Variants in AHCTF1 observed in about 807,000 individuals in gnomAD.
The protein encoded by AHCTF1 is AT-hook containing transcription factor 1, also known as protein ELYS.
Under a neutral mutation model 248.4 loss-of-function variants are expected in AHCTF1, and 24 were observed. That is an observed-to-expected ratio of 0.10 (90% CI 0.07 to 0.14). The LOEUF (loss-of-function observed/expected upper bound fraction) is 0.14. AHCTF1 is among the 10% of genes least tolerant of loss of function. The pLI, the probability that AHCTF1 is intolerant of heterozygous loss-of-function variation, is 1.00. For missense variants in AHCTF1, 2,206 were observed against 2,636.2 expected (o/e 0.84, Z 3.57); for synonymous variants, 786 against 929.8 (o/e 0.85, Z 2.81).
In AHCTF1 at chr1:246,902,547, G is replaced by A. The variant is rs758940402; in HGVS notation, c.1095C>T (p.Asp365=). ...AACCTTCATTCACGCCTTCCTCCCT[G>A]TCACCATGAGATCGAAATTTCTCTA... ...QSIEKFRSHG[D]REEGVNEALS... is the part of the protein sequence containing the mutation. Residue 365 remains aspartate (D), a synonymous_variant, in exon 8 of 36, where the codon GAC becomes GAT. Coordinates refer to ENST00000648844, the MANE Select transcript of AHCTF1 (RefSeq NM_001323342.2). 6.2e-7 allele frequency: 1 copy of A among 1,610,734 alleles called. No homozygotes were observed.
rs989072719 is a variant in AHCTF1, at chr1:246,849,716, C to T, written c.6290G>A (p.Ser2097Asn). Residue 2097 changes from serine to asparagine, a missense_variant, in exon 33 of 36, where the codon AGC (serine) becomes AAC (asparagine). Coordinates refer to ENST00000648844, the MANE Select transcript of AHCTF1 (RefSeq NM_001323342.2). ...TASFTKSSRS[S>N]RTRSSKAILL... ...GATGGCCTTGCTAGACCGAGTCCTG[C>T]TGCTGCGGGATGATTTAGTGAAGGA... 1 of 1,613,852 alleles carries T rather than the reference C, an allele frequency of 6.2e-7. No homozygotes were observed. Among genetic ancestry groups the T allele is most frequent in the Non-Finnish European group, 8.5e-7 (1 of 1,179,878 alleles).
Position 246,904,773 on chromosome 1 carries a change from T to C in AHCTF1, c.882-740A>G, listed in dbSNP as rs148290282. ...ATCTGAATCTGAATTTTACTACTAG[T>C]TGATCCCTTTTAATAATTCCTATTA... On this transcript the variant is annotated intron_variant, in intron 6 of 35. Transcript: ENST00000648844. Among the ~76,000 whole-genome samples, 498 of 152,332 alleles carry C rather than the reference T, an allele frequency of 3.3e-3. 1 individual carries two copies. Among genetic ancestry groups the C allele is most frequent in the African/African-American group, 0.011 (443 of 41,580 alleles).
At chr1:246,868,987 G>A (rs552001621) in intron 24 of AHCTF1, among the ~76,000 whole-genome samples, 203 of 149,916 alleles carry the variant, frequency 1.4e-3, no homozygotes, top group Admixed American at 2.2e-3. Context: ...TGGGACTACA[G>A]GCGCCCGCCA....
chr1:246,921,604 A>G (rs891559449), intron 1 of AHCTF1, among the ~76,000 whole-genome samples: 1 of 152,146 alleles, frequency 6.6e-6, no homozygotes, highest in African/African-American at 2.4e-5. Flanking sequence ...GAAGCAATAT[A>G]TTTCCCAGAT....
chr1:246,907,410 T>G, intron 5 of AHCTF1, 141 bp downstream of exon 5: 1 of 704,100 alleles, frequency 1.4e-6, no homozygotes. Flanking sequence ...CCATGAAAAA[T>G]TAGTCATCTC....
In AHCTF1 at chr1:246,849,722, C is replaced by A. The variant is rs144318625; in HGVS notation, c.6284G>T (p.Arg2095Leu). ...CTTGCTAGACCGAGTCCTGCTGCTG[C>A]GGGATGATTTAGTGAAGGAAGCTGT... The part of the protein sequence containing the change: ...LATASFTKSS[R>L]SSRTRSSKAI... Residue 2095 changes from arginine (R) to leucine (L), a missense_variant, in exon 33 of 36, where the codon CGC (arginine) becomes CTC (leucine). By Grantham distance (102) the Arg-to-Leu change is moderately radical. Transcript: ENST00000648844. 3 of 1,613,972 alleles carry A rather than the reference C, an allele frequency of 1.9e-6. No individual in the cohort carries two copies. Among genetic ancestry groups the A allele is most frequent in the South Asian group, 1.1e-5 (1 of 91,082 alleles).
Position 246,891,627 on chromosome 1 carries a change from T to C in AHCTF1, c.1945+152A>G, listed in dbSNP as rs994462434. 1.1e-5 allele frequency: 9 copies of C among 783,512 alleles called. No individual in the cohort carries two copies. The African/African-American group carries it at 1.7e-4, about 15-fold the overall frequency. The allele number at this position is 783,512 out of a possible 1,614,324, so 48.5% of individuals were successfully genotyped here. A position where few individuals can be genotyped will look rare whatever the true frequency, so the allele number is the denominator to read the frequency against. ...CTAACAACATTCTGTAGCTTTTCAT[T>C]AAAACAAAGAAACAAACAAAAACCC... On this transcript the variant is annotated intron_variant, in intron 15 of 35. Coordinates refer to ENST00000648844, the MANE Select transcript of AHCTF1 (RefSeq NM_001323342.2).
chr1:246,890,987 G>T lies in AHCTF1; in HGVS notation c.2019C>A (p.Phe673Leu). 1.3e-6 allele frequency: 2 copies of T among 1,546,268 alleles called. No homozygotes were observed. The highest frequency in any genetic ancestry group is 1.7e-6 in the Non-Finnish European group (2 of 1,152,884). ...CTTCTGGTAAAAGCCCAGAATGAGA[G>T]AACCAAAGAACCACTTGTGCATACT... ...ICQYAQVVLW[F>L]SHSGLLPEGI... The change falls in exon 16 of 36, where the codon TTC (phenylalanine) becomes TTA (leucine). Residue 673 changes from phenylalanine to leucine, a missense_variant. This residue lies in a region of AHCTF1 where 650 missense variants were observed against 870.8 expected (regional missense o/e 0.75). Coordinates refer to ENST00000648844, the MANE Select transcript of AHCTF1 (RefSeq NM_001323342.2).
At chr1:246,898,467 T>C in intron 11 of AHCTF1, 131 bp from the exon 12 acceptor site, 1 of 1,016,982 alleles carries the variant, frequency 9.8e-7, no homozygotes, top group Non-Finnish European at 1.4e-6. Flanking sequence ...AGACTATATT[T>C]CCTGCAAGAA....
intron 1 of AHCTF1, among the ~76,000 whole-genome samples, chr1:246,919,758 C>T (rs1051994456): frequency 6.6e-6 from 1 of 151,246 alleles, no homozygotes. Flanking sequence ...TTTTCAGGTT[C>T]GTTGCTCCAA....
intron 21 of AHCTF1, among the ~76,000 whole-genome samples, chr1:246,880,036 G>C (rs759817313): frequency 6.6e-6 from 1 of 152,112 alleles, no homozygotes; most frequent in Non-Finnish European, 1.5e-5. Context: ...AAAGGGTTTA[G>C]TGGGAGAGGA....
At chr1:246,868,600 T>C (rs1662215033) in intron 24 of AHCTF1, among the ~76,000 whole-genome samples, 1 of 138,564 alleles carries the variant, frequency 7.2e-6, no homozygotes, top group South Asian at 2.2e-4. Flanking sequence ...AGTTGGGCTT[T>C]TGGTAAGTGG....
At chr1:246,843,966 A>T (rs78646281) in intron 33 of AHCTF1, 38 bp from the exon 34 acceptor site, 1 of 1,279,674 alleles carries the variant, frequency 7.8e-7, no homozygotes, top group Admixed American at 2.9e-5. Context: ...GTATCTTTAT[A>T]TATGTGTGTA....
rs1663885725 is a variant in AHCTF1 at position 246,887,299 on chromosome 1, A to G, written c.2384T>C (p.Ile795Thr). The change falls in exon 20 of 36, where the codon ATT (isoleucine) becomes ACT (threonine). Residue 795 changes from isoleucine to threonine, a missense_variant. By Grantham distance (89) the Ile-to-Thr change is moderately conservative (BLOSUM62 -1). Transcript: ENST00000648844. ...YSFPNKTDTPIESFPTVFAIS... is the reference protein window; with the variant it reads ...YSFPNKTDTPTESFPTVFAIS... ...GGCAAATACAGTTGGGAAAGATTCA[A>G]TGGGAGTGTCTGTTTTGTTGGGAAA... The G allele has an allele frequency of 6.2e-6, 10 of 1,613,316 alleles. No homozygotes were observed. Among genetic ancestry groups the G allele is most frequent in the African/African-American group, 1.3e-5 (1 of 74,894 alleles).
chr1:246,908,339 A>AG (rs1665543138), intron 4 of AHCTF1, among the ~76,000 whole-genome samples: 1 of 150,220 alleles, frequency 6.7e-6, no homozygotes, highest in South Asian at 2.1e-4. Context: ...AAAAAAAAAA[A>AG]GAGGGGTGGG....
At chr1:246,872,029 C>G (rs924167127) in intron 24 of AHCTF1, among the ~76,000 whole-genome samples, 1 of 105,688 alleles carries the variant, frequency 9.5e-6, no homozygotes, top group African/African-American at 4.1e-5. Context: ...CACTTAGATT[C>G]AGAAAGATGA....
rs1664738344 is a variant in AHCTF1 at position 246,898,254 on chromosome 1, A to C, written c.1577T>G (p.Leu526Arg). Residue 526 changes from leucine (L) to arginine (R), a missense_variant, in exon 12 of 36, where the codon CTT (leucine) becomes CGT (arginine). Physicochemically the swap from Leu to Arg is moderately radical, Grantham distance 102 (BLOSUM62 -2). Around this residue, in one of 6 missense-constraint regions of AHCTF1, gnomAD observed 650 missense variants for 870.8 expected, o/e 0.75. Coordinates refer to ENST00000648844, the MANE Select transcript of AHCTF1 (RefSeq NM_001323342.2). The part of the protein sequence containing the change: ...DGYNRCLVAG[L>R]LSPRFVDVQP... The stretch of plus-strand genomic sequence containing the variant: ...AACATCAACAAATCTTGGGGAAAGA[A>C]GGCCAGCTACAAGACATCGATTATA... 6.2e-6 allele frequency: 10 copies of C among 1,612,504 alleles called. No individual in the cohort carries two copies. Among genetic ancestry groups the C allele is most frequent in the Non-Finnish European group, 8.5e-6 (10 of 1,180,004 alleles).
Position 246,868,372 on chromosome 1 carries a change from T to C in AHCTF1, c.3089-561A>G, listed in dbSNP as rs138354298. Among the ~76,000 whole-genome samples, 58 of 144,014 alleles carry C rather than the reference T, an allele frequency of 4.0e-4. No individual in the cohort carries two copies. The East Asian group carries it at 7.2e-3, about 18-fold the overall frequency. The allele number at this position is 144,014 out of a possible 152,430, so 94.5% of individuals were successfully genotyped here. ...CTGACCTCATGTGATCCACCCGCCT[T>C]GGCCTCCCAAAGTGCTGGGATTACA... is the stretch of plus-strand genomic sequence containing the variant. On this transcript the variant is annotated intron_variant, in intron 24 of 35. Coordinates refer to ENST00000648844, the MANE Select transcript of AHCTF1 (RefSeq NM_001323342.2).
intron 24 of AHCTF1, among the ~76,000 whole-genome samples, chr1:246,869,035 G>C (rs373188474): frequency 1.3e-5 from 2 of 150,914 alleles, no homozygotes; most frequent in African/African-American, 2.5e-5. Flanking sequence ...TAGTAGAGAC[G>C]GGGTTTCACC....
Sources: allele counts gnomAD v4.1 joint callset (sites outside exome capture counted in the v4.1 genomes callset), GRCh38; gene constraint gnomAD v4.1.1; regional missense constraint gnomAD v4.1.1; transcripts MANE v1.5; gene names NCBI Gene and HGNC (gene_info 2026-07-23, HGNC 2026-07-21).